IL17REL: variants seen among roughly 807,000 people sequenced by gnomAD.
The protein encoded by IL17REL is interleukin-17 receptor E-like protein.
Under a neutral mutation model 49.0 loss-of-function variants are expected in IL17REL, and 36 were observed. The observed-to-expected ratio is 0.73, with a 90% CI of 0.56 to 0.97. The LOEUF (loss-of-function observed/expected upper bound fraction) is 0.97. Ranked by LOEUF, IL17REL falls within the 50% of genes least tolerant of loss-of-function variation. IL17REL has a pLI of 0.00. For missense variants in IL17REL, 470 were observed against 453.9 expected (o/e 1.04, Z -0.32); for synonymous variants, 206 against 192.4 (o/e 1.07, Z -0.58).
Position 50,003,056 on chromosome 22 carries a change from C to G in IL17REL, c.-41-1825G>C, listed in dbSNP as rs1486907706. On this transcript the variant is annotated intron_variant, in intron 1 of 12. Coordinates refer to ENST00000341280, the Ensembl canonical transcript of IL17REL. ...TCCCAAGTGGAGCTTGGCACACTCC[C>G]TGAGAGGAGAAACTGGGATAGAGAG... Among the ~76,000 whole-genome samples, 5 of 152,276 alleles carry G rather than the reference C, an allele frequency of 3.3e-5. No homozygotes were observed. In the East Asian group the frequency reaches 9.6e-4, roughly 29 times the overall value.
intron 10 of IL17REL, 45 bp from the exon 13 acceptor site, chr22:49,997,528 A>G (rs966100146): frequency 3.0e-6 from 4 of 1,344,060 alleles, no homozygotes; most frequent in African/African-American, 2.9e-5. Context: ...CCAGCACCCC[A>G]CCGCCTCCCT....
chr22:49,998,096 G>A (rs1390508999), intron 8 of IL17REL, 27 bp from the exon 11 acceptor site: 10 of 1,591,564 alleles, frequency 6.3e-6, no homozygotes, highest in Non-Finnish European at 8.5e-6. Context: ...TCAGGCTGTG[G>A]CATCCATGCC....
rs538771121 is a variant in IL17REL, at chr22:50,001,409, C to G, written c.-41-178G>C. 1.1e-4 allele frequency among the ~76,000 whole-genome samples: 16 copies of G among 152,274 alleles called. No individual in the cohort carries two copies. The East Asian group carries it at 3.1e-3, about 29-fold the overall frequency. ...CCTGGCATGTGGTGAGCCCCCACCC[C>G]GAGACACACTCCAAAATGTCTGTGG... On this transcript the variant is annotated intron_variant, in intron 1 of 12. Coordinates refer to ENST00000341280, the Ensembl canonical transcript of IL17REL.
chr22:49,995,452 C>T (rs951505063), exon 13 of IL17REL: 12 of 152,408 alleles, frequency 7.9e-5, no homozygotes, highest in African/African-American at 2.9e-4. Context: ...CTAGGCCCCA[C>T]AGTCAGGTGA....
intron 1 of IL17REL, among the ~76,000 whole-genome samples, chr22:50,005,160 T>C (rs1488749198): frequency 1.3e-5 from 2 of 151,964 alleles, no homozygotes; most frequent in Non-Finnish European, 2.9e-5. Context: ...GAGGAGGCTG[T>C]GTAGAAGGAA....
At chr22:49,991,947 A>G (rs2061008571), downstream of IL17REL, among the ~76,000 whole-genome samples, 2 of 152,288 alleles carry the variant, frequency 1.3e-5, no homozygotes, top group Admixed American at 1.3e-4. Context: ...ATGAGACATC[A>G]GTCAATATAT....
chr22:50,007,480 C>T (rs1034957907), intron 1 of IL17REL, among the ~76,000 whole-genome samples: 2 of 152,174 alleles, frequency 1.3e-5, no homozygotes, highest in Non-Finnish European at 2.9e-5. Flanking sequence ...GAGTGATTCT[C>T]TTGCCTCAGC....
Position 50,000,692 on chromosome 22 carries a change from G to A in IL17REL, c.219+62C>T, listed in dbSNP as rs116969132. The A allele has an allele frequency of 7.3e-4, 1,120 of 1,538,260 alleles. 10 individuals carry two copies. In the East Asian group the frequency reaches 0.023, roughly 31 times the overall value. On this transcript the variant is annotated intron_variant, in intron 3 of 12. Transcript: ENST00000341280. ...GCTGGAGCTTAGAGCCAGGGATGGC[G>A]CCCAGGAGGAGTGGCGCCCAGTCTT...
At chr22:50,000,036 G>T in intron 4 of IL17REL, 69 bp from the exon 7 acceptor site, 1 of 1,386,694 alleles carries the variant, frequency 7.2e-7, no homozygotes, top group Non-Finnish European at 9.4e-7. Flanking sequence ...TGTCTGTCCC[G>T]AGAGCCCCGA....
upstream of IL17REL, among the ~76,000 whole-genome samples, chr22:50,011,649 G>A (rs1468310022): frequency 6.6e-6 from 1 of 151,202 alleles, no homozygotes; most frequent in Non-Finnish European, 1.5e-5. Flanking sequence ...ACCTGAACCC[G>A]CCCATCTCCC....
At chr22:50,005,100 T>C (rs1372687591) in intron 1 of IL17REL, among the ~76,000 whole-genome samples, 1 of 150,888 alleles carries the variant, frequency 6.6e-6, no homozygotes, top group Non-Finnish European at 1.5e-5. Flanking sequence ...TGAAATAAAA[T>C]GTATAAAAAT....
At chr22:50,006,954 CAAAAAAA>C (rs34032002) in intron 1 of IL17REL, among the ~76,000 whole-genome samples, 1 of 101,930 alleles carries the variant, frequency 9.8e-6, no homozygotes, top group Non-Finnish European at 2.1e-5. Flanking sequence ...GACTCTGTCT[CAAAAAAA>C]AAAAAAAAAA....
intron 7 of IL17REL, 85 bp downstream of exon 9, chr22:49,999,206 T>G: frequency 6.7e-7 from 1 of 1,503,136 alleles, no homozygotes. Flanking sequence ...CCTTATCTCA[T>G]CCCCCCACGT....
At chr22:49,993,289 C>T (rs1035671788), downstream of IL17REL, among the ~76,000 whole-genome samples, 1 of 152,212 alleles carries the variant, frequency 6.6e-6, no homozygotes, top group Non-Finnish European at 1.5e-5. The surrounding 1 kb of genome is among the most constrained non-coding windows in gnomAD (Gnocchi z 6.0). Context: ...CCGTGTTATA[C>T]TGTGGCCCAG....
upstream of IL17REL, among the ~76,000 whole-genome samples, chr22:50,010,254 C>A (rs1486893986): frequency 6.6e-6 from 1 of 152,248 alleles, no homozygotes; most frequent in African/African-American, 2.4e-5. Context: ...TGGTGGGGAG[C>A]AGGGCCTCAA....
chr22:50,006,280 C>A (rs931205912), intron 1 of IL17REL, among the ~76,000 whole-genome samples: 1 of 152,102 alleles, frequency 6.6e-6, no homozygotes, highest in Non-Finnish European at 1.5e-5. Context: ...AGATTCACAG[C>A]CCAGGTTGGG....
exon 3 of IL17REL, chr22:50,000,846 C>T: frequency 1.3e-6 from 2 of 1,579,314 alleles, no homozygotes; most frequent in Non-Finnish European, 1.7e-6. Context: ...GCACAGGCCT[C>T]CAGGCCCCGC....
intron 5 of IL17REL, 69 bp from the exon 8 acceptor site, chr22:49,999,571 T>C: frequency 6.9e-6 from 7 of 1,012,684 alleles, no homozygotes; most frequent in South Asian, 1.4e-5. Context: ...GGGCGGGACC[T>C]GCACCGAACG....
chr22:49,997,967 C>A, intron 9 of IL17REL, 58 bp downstream of exon 11: 5 of 1,583,550 alleles, frequency 3.2e-6, no homozygotes, highest in Non-Finnish European at 4.3e-6. Context: ...ACTCCCCGCC[C>A]TGATGCCCCC....
Sources: allele counts gnomAD v4.1 joint callset (sites outside exome capture counted in the v4.1 genomes callset), GRCh38; gene constraint gnomAD v4.1.1; non-coding constraint Gnocchi (gnomAD v3.1); transcripts MANE v1.5; gene names NCBI Gene and HGNC (gene_info 2026-07-23, HGNC 2026-07-21).